The following FBRSL1 variants were observed in gnomAD, a reference collection of about 807,000 sequenced individuals.
FBRSL1 encodes fibrosin-1-like protein.
In FBRSL1, 51 loss-of-function variants were observed where a neutral mutation model predicts 89.6. That is an observed-to-expected ratio of 0.57 (90% CI 0.45 to 0.72). The LOEUF (loss-of-function observed/expected upper bound fraction) is 0.72. FBRSL1 is among the 30% of genes least tolerant of loss of function. The pLI is 0.00. For synonymous variants in FBRSL1, 779 were observed against 681.1 expected, an observed-to-expected ratio of 1.14 and a Z score of -2.24; for missense variants, 1,618 against 1,451.8, an observed-to-expected ratio of 1.11 and a Z score of -1.86.
intron 1 of FBRSL1, among the ~76,000 whole-genome samples, chr12:132,497,402 A>C (rs1185691678): frequency 6.6e-6 from 1 of 151,998 alleles, no homozygotes; most frequent in Non-Finnish European, 1.5e-5. Flanking sequence ...CCAAGGTCCC[A>C]GGGCAGACCC....
intron 2 of FBRSL1, chr12:132,509,331 C>T (rs1030098798): frequency 4.4e-5 from 55 of 1,247,966 alleles, no homozygotes; most frequent in Non-Finnish European, 5.1e-5. Flanking sequence ...GCCCTCCCAG[C>T]GGCCACTCCT....
At chr12:132,498,276 A>G (rs1376665040) in intron 1 of FBRSL1, among the ~76,000 whole-genome samples, 4 of 151,816 alleles carry the variant, frequency 2.6e-5, no homozygotes, top group Non-Finnish European at 5.9e-5. Flanking sequence ...CTGTGTTGGG[A>G]TGTGACAGCA....
chr12:132,573,938 C>G (rs1407284680), intron 11 of FBRSL1, among the ~76,000 whole-genome samples, 152 bp from the exon 12 acceptor site: 1 of 152,138 alleles, frequency 6.6e-6, no homozygotes, highest in African/African-American at 2.4e-5. Context: ...GGTGGTCCTG[C>G]GAGGGAGGGC....
chr12:132,551,414 G>C, intron 5 of FBRSL1: 1 of 456,288 alleles, frequency 2.2e-6, no homozygotes, highest in Non-Finnish European at 4.4e-6. Context: ...AGCCGTGCAG[G>C]GAACAGCCCT....
rs59429682 is a variant in FBRSL1 at position 132,502,655 on chromosome 12, A to G, written c.292-5498A>G. Among the ~76,000 whole-genome samples, 1,778 of 152,006 alleles carry G rather than the reference A, an allele frequency of 0.012. 47 individuals carry two copies. The East Asian group carries it at 0.12, about 10-fold the overall frequency. Reference sequence around the variant, plus strand: ...TGGGATAAAACCAGGGCCAAGCAGTAGCTCCACTGCAGTCCTCACACCAGC... The same window carrying G: ...TGGGATAAAACCAGGGCCAAGCAGTGGCTCCACTGCAGTCCTCACACCAGC... On this transcript the variant is annotated intron_variant, in intron 1 of 18. Coordinates refer to ENST00000680143, the MANE Select transcript of FBRSL1 (RefSeq NM_001367871.1).
At chr12:132,556,962 T>C (rs1347323438) in intron 5 of FBRSL1, among the ~76,000 whole-genome samples, 1 of 152,212 alleles carries the variant, frequency 6.6e-6, no homozygotes, top group East Asian at 1.9e-4. Context: ...GGAAGCAGTC[T>C]TGTGGTCTCC....
chr12:132,547,938 C>T (rs1003987275), intron 4 of FBRSL1, 65 bp from the exon 5 acceptor site: 11 of 1,532,062 alleles, frequency 7.2e-6, no homozygotes, highest in Middle Eastern at 1.8e-4. Context: ...TGGCTGCTGC[C>T]GTGCCCCGGG....
At chr12:132,581,705 C>G in intron 16 of FBRSL1, 36 bp from the exon 17 acceptor site, 1 of 1,547,204 alleles carries the variant, frequency 6.5e-7, no homozygotes, top group Non-Finnish European at 8.7e-7. Flanking sequence ...CAGCCCACGC[C>G]TCACAGACCT....
At chr12:132,576,339 C>T (rs1446808121) in intron 14 of FBRSL1, among the ~76,000 whole-genome samples, 1 of 151,862 alleles carries the variant, frequency 6.6e-6, no homozygotes, top group Non-Finnish European at 1.5e-5. Flanking sequence ...ATTACAGGCG[C>T]CCGCCACTGC....
chr12:132,542,287 C>T (rs2037331911), intron 4 of FBRSL1, among the ~76,000 whole-genome samples: 2 of 152,372 alleles, frequency 1.3e-5, no homozygotes, highest in South Asian at 2.1e-4. Flanking sequence ...TGTGCACACT[C>T]AGGCCACACA....
At chr12:132,502,198 C>T (rs763481635) in intron 1 of FBRSL1, among the ~76,000 whole-genome samples, 19 of 152,214 alleles carry the variant, frequency 1.2e-4, no homozygotes, top group Non-Finnish European at 2.2e-4. Flanking sequence ...CTGCTTTCCC[C>T]CACCTGCCAG....
chr12:132,573,796 T>G (rs2040203208), intron 11 of FBRSL1, among the ~76,000 whole-genome samples: 2 of 152,082 alleles, frequency 1.3e-5, no homozygotes, highest in South Asian at 4.1e-4. Flanking sequence ...GGAGACTAGG[T>G]GTGCACCACT....
intron 5 of FBRSL1, among the ~76,000 whole-genome samples, chr12:132,562,878 C>T (rs1008572026): frequency 6.6e-6 from 1 of 152,126 alleles, no homozygotes; most frequent in African/African-American, 2.4e-5. Context: ...CACACCTGGT[C>T]TTCTCTGATA....
intron 2 of FBRSL1, 121 bp from the exon 3 acceptor site, chr12:132,525,613 G>C (rs918927194): frequency 3.9e-6 from 3 of 761,110 alleles, no homozygotes; most frequent in Non-Finnish European, 6.6e-6. Flanking sequence ...AGCGGCTGTC[G>C]GGGCGCCTGG....
intron 4 of FBRSL1, 78 bp downstream of exon 4, chr12:132,528,066 G>A: frequency 7.4e-7 from 1 of 1,350,016 alleles, no homozygotes; most frequent in Non-Finnish European, 1.0e-6. Flanking sequence ...CCTGTCCGAG[G>A]CCCCACAACT....
intron 15 of FBRSL1, 185 bp from the exon 16 acceptor site, chr12:132,581,254 C>G: frequency 1.0e-6 from 1 of 985,386 alleles, no homozygotes; most frequent in Non-Finnish European, 1.2e-6. Flanking sequence ...GTCAAACCTC[C>G]TCCGAATTGT....
At chr12:132,519,649 G>A (rs1400356154) in intron 2 of FBRSL1, among the ~76,000 whole-genome samples, 1 of 152,200 alleles carries the variant, frequency 6.6e-6, no homozygotes, top group Non-Finnish European at 1.5e-5. Context: ...GGTGGCTCAC[G>A]CCTGTAATCC....
intron 1 of FBRSL1, 90 bp downstream of exon 1, chr12:132,490,951 C>T: frequency 4.1e-6 from 4 of 971,950 alleles, no homozygotes; most frequent in Non-Finnish European, 3.8e-6. Context: ...CCTGGGCTTG[C>T]GACCGCCCGC....
intron 1 of FBRSL1, among the ~76,000 whole-genome samples, chr12:132,493,746 T>C (rs1198330651): frequency 2.0e-5 from 3 of 152,218 alleles, no homozygotes; most frequent in Non-Finnish European, 4.4e-5. Flanking sequence ...TAGGCCGTTC[T>C]GTGCCCGGGG....
Sources: gnomAD v4.1 joint callset for allele counts (sites outside exome capture counted in the v4.1 genomes callset) on GRCh38, gnomAD v4.1.1 for gene constraint, MANE v1.5 for transcripts, NCBI Gene and HGNC (gene_info 2026-07-23, HGNC 2026-07-21) for gene names.